ZNF385D: variants seen among roughly 807,000 people sequenced by gnomAD.
ZNF385D encodes zinc finger protein 659.
Under a neutral mutation model 35.8 loss-of-function variants are expected in ZNF385D, and 15 were observed. That is an observed-to-expected ratio of 0.42 (90% confidence interval 0.28 to 0.64). The LOEUF is 0.64. Among genes scored for constraint, ZNF385D ranks in the 30% least tolerant of loss-of-function variants. ZNF385D has a pLI of 0.23. For synonymous variants in ZNF385D, 212 were observed against 186.8 expected (o/e 1.13, Z -1.10); for missense variants, 474 against 494.6 (o/e 0.96, Z 0.39).
At chr3:22,235,611 A>C (rs925506718) in intron 2 of ZNF385D, among the ~76,000 whole-genome samples, 1 of 152,156 alleles carries the variant, frequency 6.6e-6, no homozygotes, top group Admixed American at 6.6e-5. Context: ...TAAAAAGGTC[A>C]AATGATCTGT....
intron 2 of ZNF385D, among the ~76,000 whole-genome samples, chr3:21,580,521 G>A (rs1317754423): frequency 6.6e-6 from 1 of 152,072 alleles, no homozygotes; most frequent in Non-Finnish European, 1.5e-5. Context: ...TAAATTGTGG[G>A]CAGTACCTAA....
At chr3:22,299,600 GAACT>G (rs1702787324) in intron 2 of ZNF385D, among the ~76,000 whole-genome samples, 1 of 151,790 alleles carries the variant, frequency 6.6e-6, no homozygotes, top group Admixed American at 6.6e-5. Context: ...AAAACTGTTA[GAACT>G]AATAAATGAA....
At chr3:21,698,697 C>G (rs11129015) in intron 1 of ZNF385D, among the ~76,000 whole-genome samples, 8,104 of 151,790 alleles carry the variant, frequency 0.053, 317 homozygotes, top group East Asian at 0.15. Context: ...ACTGACACTT[C>G]TCAAAAGAAG....
chr3:21,723,551 T>C (rs1033748219), intron 1 of ZNF385D, among the ~76,000 whole-genome samples: 3 of 152,020 alleles, frequency 2.0e-5, no homozygotes, highest in African/African-American at 7.2e-5. Flanking sequence ...AGAAAGGATA[T>C]CAGAGATTGA....
chr3:21,760,177 A>T (rs923839799), intron 3 of ZNF385D, among the ~76,000 whole-genome samples: 3 of 152,198 alleles, frequency 2.0e-5, no homozygotes, highest in Non-Finnish European at 2.9e-5. Context: ...CTTTTGGTGG[A>T]TAAAATGACC....
chr3:21,937,680 G>A (rs940616099), intron 3 of ZNF385D, among the ~76,000 whole-genome samples: 3 of 148,702 alleles, frequency 2.0e-5, no homozygotes, highest in African/African-American at 4.8e-5. Flanking sequence ...TGAAATTAAA[G>A]AAAAATTATC....
chr3:22,155,676 A>T (rs1442513101), intron 3 of ZNF385D, among the ~76,000 whole-genome samples: 1 of 152,102 alleles, frequency 6.6e-6, no homozygotes, highest in East Asian at 1.9e-4. Context: ...TAAAGAGAAC[A>T]TGTCCCTACT....
intron 5 of ZNF385D, among the ~76,000 whole-genome samples, chr3:21,426,459 G>C (rs1701031269): frequency 6.6e-6 from 1 of 152,066 alleles, no homozygotes; most frequent in Admixed American, 6.6e-5. Flanking sequence ...TTGTTTTCTT[G>C]AGATCACTGT....
chr3:22,013,727 A>G (rs1236782216), intron 3 of ZNF385D, among the ~76,000 whole-genome samples: 1 of 152,150 alleles, frequency 6.6e-6, no homozygotes, highest in Non-Finnish European at 1.5e-5. Context: ...AGACTGACAA[A>G]GCAGGTGAGA....
chr3:22,082,412 C>A (rs1300679474), intron 3 of ZNF385D, among the ~76,000 whole-genome samples: 1 of 152,190 alleles, frequency 6.6e-6, no homozygotes, highest in Non-Finnish European at 1.5e-5. Flanking sequence ...CCGTGCCTGG[C>A]TCTGTGGGTC....
chr3:21,787,889 G>C lies in ZNF385D; in HGVS notation c.326-122861C>G, dbSNP rs796767705. Among the ~76,000 whole-genome samples, 112 of 146,034 alleles carry C rather than the reference G, an allele frequency of 7.7e-4. 1 individual carries two copies. The highest frequency in any genetic ancestry group is 2.6e-3 in the African/African-American group (101 of 39,192). ...CCCGGGAGGCGGAGCTTGCAGAGAGGCGAGATCGAGCCACTGCACTCCAGC... is the reference window on the plus strand; with the variant it reads ...CCCGGGAGGCGGAGCTTGCAGAGAGCCGAGATCGAGCCACTGCACTCCAGC... On this transcript the variant is annotated intron_variant, in intron 3 of 5. Transcript: ENST00000494108.
chr3:21,973,413 A>G (rs975737875), intron 3 of ZNF385D, among the ~76,000 whole-genome samples: 1 of 151,986 alleles, frequency 6.6e-6, no homozygotes, highest in Non-Finnish European at 1.5e-5. Flanking sequence ...TGAAAGGAAC[A>G]TACCTCAACA....
chr3:21,867,048 C>T (rs777580682), intron 3 of ZNF385D, among the ~76,000 whole-genome samples: 66 of 152,088 alleles, frequency 4.3e-4, no homozygotes, highest in Admixed American at 9.8e-4. Context: ...GGAGAGAAGT[C>T]TGGAGGCTGA....
chr3:22,350,649 T>C (rs1695873089), intron 2 of ZNF385D, among the ~76,000 whole-genome samples: 1 of 152,168 alleles, frequency 6.6e-6, no homozygotes, highest in Admixed American at 6.5e-5. Context: ...AAGCATATAC[T>C]CAAGTAACAA....
intron 3 of ZNF385D, among the ~76,000 whole-genome samples, chr3:21,839,246 A>T (rs2125782675): frequency 6.6e-6 from 1 of 152,126 alleles, no homozygotes; most frequent in South Asian, 2.1e-4. Flanking sequence ...CATAATTTTT[A>T]ACAACCAGTT....
At chr3:21,636,231 AT>A (rs555794591) in intron 2 of ZNF385D, among the ~76,000 whole-genome samples, 10 of 149,034 alleles carry the variant, frequency 6.7e-5, no homozygotes, top group African/African-American at 2.2e-4. Flanking sequence ...TTATTTTTTG[AT>A]TTTTTTTTAT....
In ZNF385D at chr3:22,167,589, A is replaced by C. The variant is rs374385201; in HGVS notation, c.325+1228T>G. ...TAACATTGTGGCCCTCTGCCCTCTA[A>C]TAAGCAGAGGGCAGCCAGCCCACAT... On this transcript the variant is annotated intron_variant, in intron 3 of 5. Coordinates refer to the ZNF385D transcript ENST00000494108. Among the ~76,000 whole-genome samples the C allele has an allele frequency of 2.9e-4, 44 of 152,290 alleles. 1 individual carries two copies. In the South Asian group the frequency reaches 8.7e-3, roughly 30 times the overall value.
chr3:21,544,439 GT>G (rs1238053264), intron 3 of ZNF385D, among the ~76,000 whole-genome samples: 2 of 151,876 alleles, frequency 1.3e-5, no homozygotes, highest in East Asian at 1.9e-4. Context: ...TGTGTTTTGT[GT>G]TTTTTTTAGT....
intron 2 of ZNF385D, among the ~76,000 whole-genome samples, chr3:22,191,465 C>A (rs1383135459): frequency 2.1e-5 from 3 of 142,670 alleles, no homozygotes; most frequent in Non-Finnish European, 3.0e-5. Flanking sequence ...CCAGCCTGGG[C>A]AACAAGAGTG....
Sources: allele counts gnomAD v4.1 joint callset (sites outside exome capture counted in the v4.1 genomes callset), GRCh38; gene constraint gnomAD v4.1.1; transcripts MANE v1.5; gene names NCBI Gene and HGNC (gene_info 2026-07-23, HGNC 2026-07-21).